SPAG9: variants seen among roughly 807,000 people sequenced by gnomAD.
SPAG9 encodes C-Jun-amino-terminal kinase-interacting protein 4.
A neutral mutation model predicts 166.5 loss-of-function variants in SPAG9; 35 were observed. The ratio of observed to expected loss-of-function variants is 0.21; its 90% confidence interval spans 0.16 to 0.28. SPAG9 has a LOEUF of 0.28. Among genes scored for constraint, SPAG9 ranks in the 10% least tolerant of loss-of-function variants. The probability of loss-of-function intolerance (pLI) is 1.00; values close to 1 mark genes in which losing one functional copy is unlikely to be tolerated. For synonymous variants in SPAG9, 534 were observed against 565.5 expected, an observed-to-expected ratio of 0.94 and a Z score of 0.79; for missense variants, 1,235 against 1,603.3, an observed-to-expected ratio of 0.77 and a Z score of 3.92.
intron 8 of SPAG9, 141 bp downstream of exon 8, chr17:51,020,018 C>G (rs2045877371): frequency 3.3e-6 from 2 of 608,938 alleles, no homozygotes; most frequent in Non-Finnish European, 5.9e-6. Flanking sequence ...TGTCCAGTTT[C>G]AAGAATAGGA....
In SPAG9 at chr17:51,037,761, CCACTACGTT is replaced by C. The variant is rs1478808410; in HGVS notation, c.741+3731_741+3739del. Among the ~76,000 whole-genome samples the C allele has an allele frequency of 3.6e-5, 5 of 139,876 alleles. No individual in the cohort carries two copies. In the East Asian group the frequency reaches 8.4e-4, roughly 24 times the overall value. 91.8% of individuals were successfully genotyped at this position (139,876 alleles called of 152,430 possible). The stretch of plus-strand genomic sequence containing the variant: ...AAAAAAAGGAAAAAGAGACGGAGTC[CCACTACGTT>C]GCCCAGGCTGGTTTTGAACTCCTGG... On this transcript the variant is annotated intron_variant, in intron 5 of 29. Coordinates refer to ENST00000262013, the MANE Select transcript of SPAG9 (RefSeq NM_001130528.3).
chr17:51,079,804 C>T, intron 1 of SPAG9, 100 bp from the exon 2 acceptor site: 1 of 744,844 alleles, frequency 1.3e-6, no homozygotes, highest in Non-Finnish European at 2.1e-6. Flanking sequence ...TAGGTATTAA[C>T]TACTTAGATC....
At chr17:50,995,692 C>G in intron 16 of SPAG9, 159 bp from the exon 17 acceptor site, 1 of 602,906 alleles carries the variant, frequency 1.7e-6, no homozygotes, top group Non-Finnish European at 2.9e-6. Flanking sequence ...GAGACAGGGT[C>G]GCTCTACTGC....
At chr17:51,072,621 T>C (rs554472391) in intron 2 of SPAG9, among the ~76,000 whole-genome samples, 6 of 151,960 alleles carry the variant, frequency 3.9e-5, no homozygotes, top group African/African-American at 1.4e-4. Context: ...GAGGCGGAAG[T>C]TGCAGTGAGC....
chr17:51,046,846 T>C (rs1371276893), intron 4 of SPAG9: 3 of 1,531,358 alleles, frequency 2.0e-6, no homozygotes, highest in South Asian at 2.4e-5. Context: ...CCCCACCTCA[T>C]AACCATAGAG....
Position 51,107,818 on chromosome 17 carries a change from G to A in SPAG9, c.303+12536C>T, listed in dbSNP as rs541130411. On this transcript the variant is annotated intron_variant, in intron 1 of 29. Coordinates refer to ENST00000262013, the MANE Select transcript of SPAG9 (RefSeq NM_001130528.3). ...TAATCTCAGTTACTTGGGAGGCTAA[G>A]GTAGGGGGATAGCTTGAGCCCAGGA... 3.1e-4 allele frequency among the ~76,000 whole-genome samples: 47 copies of A among 151,904 alleles called. No individual in the cohort carries two copies. In the South Asian group the frequency reaches 8.1e-3, roughly 26 times the overall value.
At chr17:50,984,872 C>T in intron 24 of SPAG9, 51 bp downstream of exon 24, 1 of 1,437,630 alleles carries the variant, frequency 7.0e-7, no homozygotes, top group Non-Finnish European at 9.8e-7. Flanking sequence ...CTTAAAAATG[C>T]TTTGCAAAGC....
intron 8 of SPAG9, among the ~76,000 whole-genome samples, chr17:51,017,606 G>C (rs1220142441): frequency 2.6e-5 from 4 of 151,674 alleles, no homozygotes; most frequent in African/African-American, 9.7e-5. Flanking sequence ...TGGTAATCTG[G>C]GACAAGCTAC....
In SPAG9 at chr17:51,120,743, G is replaced by C; in HGVS notation, c.-87C>G. The C allele has an allele frequency of 8.1e-7, 1 of 1,240,456 alleles. No homozygotes were observed. Among genetic ancestry groups the C allele is most frequent in the Non-Finnish European group, 1.1e-6 (1 of 908,916 alleles). The allele number at this position is 1,240,456 out of a possible 1,614,324, so 76.8% of individuals were successfully genotyped here. A position where few individuals can be genotyped will look rare whatever the true frequency, so the allele number is the denominator to read the frequency against. ...CACGGGACGGACCCGACTCGGGCTG[G>C]GACGGGTACTAGGGCTGGAGCCCGG... On this transcript the variant is annotated 5_prime_UTR_variant, in exon 1 of 30. Coordinates refer to ENST00000262013, the MANE Select transcript of SPAG9 (RefSeq NM_001130528.3). The surrounding 1 kb of genome is among the most constrained non-coding windows in gnomAD (Gnocchi z 4.7).
chr17:50,999,531 C>A, intron 14 of SPAG9, 130 bp downstream of exon 14: 2 of 1,460,294 alleles, frequency 1.4e-6, no homozygotes, highest in Admixed American at 2.6e-5. Context: ...AGCTACTTAA[C>A]CATTACCCCT....
chr17:50,998,391 T>C lies in SPAG9; in HGVS notation c.1838+53A>G, dbSNP rs140480457. On this transcript the variant is annotated intron_variant, in intron 15 of 29. Coordinates refer to ENST00000262013, the MANE Select transcript of SPAG9 (RefSeq NM_001130528.3). ...AGAGCTGATAAGAGGCCAAGAATAT[T>C]CTGAACCACTAACTTAATTTAGAAT... 2.0e-6 allele frequency: 3 copies of C among 1,515,448 alleles called. No individual in the cohort carries two copies. In the African/African-American group the frequency reaches 4.2e-5, roughly 21 times the overall value. The allele number at this position is 1,515,448 out of a possible 1,614,324, so 93.9% of individuals were successfully genotyped here.
chr17:51,100,386 C>G (rs1303356572), intron 1 of SPAG9, among the ~76,000 whole-genome samples: 1 of 152,172 alleles, frequency 6.6e-6, no homozygotes, highest in African/African-American at 2.4e-5. Context: ...GGGCAGACTG[C>G]TTGAGCCCAG....
At chr17:51,095,666 A>ATG (rs1319175014) in intron 1 of SPAG9, among the ~76,000 whole-genome samples, 2 of 144,858 alleles carry the variant, frequency 1.4e-5, no homozygotes, top group Non-Finnish European at 3.0e-5. Context: ...AAAGAAAAAA[A>ATG]TGTGTATATA....
At chr17:50,976,740 G>A (rs549375645) in intron 27 of SPAG9, 1 of 155,680 alleles carries the variant, frequency 6.4e-6, no homozygotes, top group East Asian at 1.9e-4. Context: ...AAGACAAATG[G>A]AATATACTAA....
chr17:51,047,435 G>C lies in SPAG9; in HGVS notation c.530C>G (p.Thr177Arg). Residue 177 changes from threonine (T) to arginine (R), a missense_variant, in exon 4 of 30, where the codon ACA (threonine) becomes AGA (arginine). Around this residue, in one of 6 missense-constraint regions of SPAG9, gnomAD observed 288 missense variants for 323.7 expected, o/e 0.89. Transcript: ENST00000262013. ...ACTCCCTGAGAGCTGATGAAGTTTT[G>C]TTCTTTCTAAATGTTCCATATAATT... ...IHNYMEHLERTKLHQLSGSDQ... is the reference protein window; with the variant it reads ...IHNYMEHLERRKLHQLSGSDQ... The C allele has an allele frequency of 6.3e-7, 1 of 1,585,196 alleles. No homozygotes were observed. Among genetic ancestry groups the C allele is most frequent in the Non-Finnish European group, 8.6e-7 (1 of 1,162,250 alleles).
At chr17:51,025,383 A>G (rs1221270590) in intron 6 of SPAG9, among the ~76,000 whole-genome samples, 1 of 151,656 alleles carries the variant, frequency 6.6e-6, no homozygotes, top group African/African-American at 2.4e-5. Context: ...CACCCAATAT[A>G]AAATATAAAA....
chr17:51,083,543 T>TTTTATTA (rs1555656698), intron 1 of SPAG9, among the ~76,000 whole-genome samples: 13 of 141,108 alleles, frequency 9.2e-5, no homozygotes, highest in Middle Eastern at 3.2e-3. Flanking sequence ...AGCCTCTTTA[T>TTTTATTA]TTTATTTATT....
chr17:51,010,382 T>C (rs1369601473), intron 9 of SPAG9, among the ~76,000 whole-genome samples: 1 of 152,004 alleles, frequency 6.6e-6, no homozygotes, highest in African/African-American at 2.4e-5. Flanking sequence ...AAGACACAGT[T>C]GTCTCAGCCA....
intron 1 of SPAG9, among the ~76,000 whole-genome samples, chr17:51,107,137 T>C (rs2048975617): frequency 6.6e-6 from 1 of 150,600 alleles, no homozygotes; most frequent in African/African-American, 2.4e-5. Flanking sequence ...AGAGCCTGGC[T>C]CAATAAATAT....
Sources: gnomAD v4.1 joint callset for allele counts (sites outside exome capture counted in the v4.1 genomes callset) on GRCh38, gnomAD v4.1.1 for gene constraint, gnomAD v4.1.1 regional missense constraint, Gnocchi (gnomAD v3.1) non-coding constraint, MANE v1.5 for transcripts, NCBI Gene and HGNC (gene_info 2026-07-23, HGNC 2026-07-21) for gene names.